Variants in KLF12 observed in about 807,000 individuals in gnomAD.
KLF12 encodes KLF transcription factor 12.
Under a neutral mutation model 37.8 loss-of-function variants are expected in KLF12, and 9 were observed. That is an observed-to-expected ratio of 0.24 (90% CI 0.14 to 0.42). KLF12 has a LOEUF of 0.42. Among genes scored for constraint, KLF12 ranks in the 10% least tolerant of loss-of-function variants. The pLI is 1.00. For synonymous variants in KLF12, 208 were observed against 202.1 expected, an observed-to-expected ratio of 1.03 and a Z score of -0.25; for missense variants, 411 against 516.0, an observed-to-expected ratio of 0.80 and a Z score of 1.97.
At chr13:73,709,060 T>G (rs981771990) in intron 7 of KLF12, among the ~76,000 whole-genome samples, 1 of 152,208 alleles carries the variant, frequency 6.6e-6, no homozygotes, top group African/African-American at 2.4e-5. Flanking sequence ...TCAAAAATAC[T>G]TGGTCACATC....
chr13:74,042,886 T>C (rs1255124457), intron 1 of KLF12, among the ~76,000 whole-genome samples: 1 of 152,190 alleles, frequency 6.6e-6, no homozygotes, highest in Non-Finnish European at 1.5e-5. Context: ...CAAGAAGCCT[T>C]TCTAGTACCT....
intron 1 of KLF12, among the ~76,000 whole-genome samples, chr13:74,053,889 A>G (rs1245528195): frequency 1.3e-5 from 2 of 152,210 alleles, no homozygotes; most frequent in African/African-American, 4.8e-5. Context: ...TGGGACCTAG[A>G]GACACATAGT....
intron 3 of KLF12, among the ~76,000 whole-genome samples, chr13:73,869,444 T>C (rs1886354302): frequency 6.6e-6 from 1 of 152,176 alleles, no homozygotes; most frequent in African/African-American, 2.4e-5. Flanking sequence ...CCTACCTACC[T>C]GAACTATTGC....
At chr13:73,884,926 C>G (rs1169111534) in intron 3 of KLF12, among the ~76,000 whole-genome samples, 2 of 152,126 alleles carry the variant, frequency 1.3e-5, no homozygotes, top group Admixed American at 6.5e-5. Context: ...TTCTTCTGAC[C>G]TCTGGGGCAC....
At chr13:74,064,129 TCTCA>T (rs1873768839) in intron 1 of KLF12, among the ~76,000 whole-genome samples, 1 of 152,168 alleles carries the variant, frequency 6.6e-6, no homozygotes, top group South Asian at 2.1e-4. Flanking sequence ...CCTCAGTTCC[TCTCA>T]CTATCTGTCC....
intron 7 of KLF12, among the ~76,000 whole-genome samples, chr13:73,710,493 C>T (rs1398729948): frequency 7.9e-6 from 1 of 127,046 alleles, no homozygotes; most frequent in Non-Finnish European, 1.7e-5. Context: ...AGCATGTGCT[C>T]ACTTTGCATC....
chr13:74,166,876 A>G, the KLF12 span, among the ~76,000 whole-genome samples: 1 of 152,198 alleles, frequency 6.6e-6, no homozygotes, highest in Non-Finnish European at 1.5e-5. Context: ...TCACTGATTT[A>G]TATCACCCAG....
rs1476670572 is a variant in KLF12 at position 73,686,260 on chromosome 13, A to T, written c.*9230T>A. On this transcript the variant is annotated 3_prime_UTR_variant, in exon 8 of 8. Coordinates refer to ENST00000377669, the MANE Select transcript of KLF12 (RefSeq NM_007249.5). Reference sequence around the variant, plus strand: ...GAATATGTCTGAGACACCATTAAAAACAATAACACTTGTTCATTTAAATCT... The same window carrying T: ...GAATATGTCTGAGACACCATTAAAATCAATAACACTTGTTCATTTAAATCT... The T allele has an allele frequency of 1.3e-5, 2 of 152,668 alleles. No homozygotes were observed. The highest frequency in any genetic ancestry group is 4.8e-5 in the African/African-American group (2 of 41,472). The allele number at this position is 152,668 out of a possible 1,614,324, so 9.5% of individuals were successfully genotyped here.
rs574676041 is a variant in KLF12 at position 73,730,279 on chromosome 13, A to C, written c.870-14754T>G. Among the ~76,000 whole-genome samples the C allele has an allele frequency of 1.4e-4, 21 of 151,294 alleles. No homozygotes were observed. The South Asian group carries it at 4.4e-3, about 32-fold the overall frequency. The stretch of plus-strand genomic sequence containing the variant: ...TCTCAGCTCTCTTCTCTGATTTCTT[A>C]CTCCACCCCCATCTCAACTGTACGC... On this transcript the variant is annotated intron_variant, in intron 6 of 7. Coordinates refer to ENST00000377669, the MANE Select transcript of KLF12 (RefSeq NM_007249.5).
intron 6 of KLF12, among the ~76,000 whole-genome samples, chr13:73,760,389 T>C (rs74378228): frequency 0.017 from 2,550 of 152,228 alleles, 86 homozygotes; most frequent in African/African-American, 0.059. Flanking sequence ...GGCACAATCA[T>C]ACCTCACTGT....
chr13:73,745,418 T>C (rs1371302574), intron 6 of KLF12, among the ~76,000 whole-genome samples: 1 of 152,166 alleles, frequency 6.6e-6, no homozygotes, highest in Non-Finnish European at 1.5e-5. Context: ...TTAGGTCACC[T>C]AGGATGAGGA....
intron 4 of KLF12, among the ~76,000 whole-genome samples, chr13:73,837,975 C>T (rs528359409): frequency 2.0e-5 from 3 of 152,188 alleles, no homozygotes; most frequent in South Asian, 2.1e-4. Context: ...TAGACAGAAG[C>T]GAGTCTGTGA....
intron 1 of KLF12, among the ~76,000 whole-genome samples, chr13:74,034,880 T>C (rs1187878483): frequency 6.6e-6 from 1 of 152,266 alleles, no homozygotes; most frequent in Non-Finnish European, 1.5e-5. Context: ...GCTTAATAGC[T>C]GTCACTATTT....
chr13:73,751,510 G>C (rs1225079653), intron 6 of KLF12, among the ~76,000 whole-genome samples: 1 of 152,170 alleles, frequency 6.6e-6, no homozygotes, highest in African/African-American at 2.4e-5. Flanking sequence ...AGGGCATGTG[G>C]GGTGAGGAAG....
chr13:74,131,118 G>T (rs1878241204), intron 1 of KLF12, among the ~76,000 whole-genome samples: 1 of 152,146 alleles, frequency 6.6e-6, no homozygotes, highest in African/African-American at 2.4e-5. Flanking sequence ...CACTTACGTT[G>T]TCTCTGCAGA....
intron 3 of KLF12, among the ~76,000 whole-genome samples, chr13:73,926,581 G>A (rs1015482785): frequency 1.3e-5 from 2 of 151,372 alleles, no homozygotes; most frequent in African/African-American, 4.9e-5. Context: ...TCTCTGAGGT[G>A]TGTCTGTATC....
rs563996025 is a variant in KLF12, at chr13:73,735,812, C to T, written c.870-20287G>A. ...GAGATTGATACTACTGAGTTACCCA[C>T]GTCACATAAAAACTGAGTCTAAGGG... On this transcript the variant is annotated intron_variant, in intron 6 of 7. Coordinates refer to ENST00000377669, the MANE Select transcript of KLF12 (RefSeq NM_007249.5). 7.2e-5 allele frequency among the ~76,000 whole-genome samples: 11 copies of T among 152,222 alleles called. No individual in the cohort carries two copies. The South Asian group carries it at 1.9e-3, about 26-fold the overall frequency.
intron 1 of KLF12, among the ~76,000 whole-genome samples, chr13:74,069,726 TA>T (rs911467032): frequency 8.6e-5 from 13 of 151,898 alleles, no homozygotes; most frequent in Admixed American, 7.2e-4. Flanking sequence ...AATAGTCCAA[TA>T]AAAAAATAGA....
intron 5 of KLF12, among the ~76,000 whole-genome samples, chr13:73,769,775 G>C (rs974695464): frequency 6.6e-6 from 1 of 152,136 alleles, no homozygotes; most frequent in African/African-American, 2.4e-5. Flanking sequence ...CAGTTGCTCA[G>C]GCCAAAAACC....
Sources: gnomAD v4.1 joint callset for allele counts (sites outside exome capture counted in the v4.1 genomes callset) on GRCh38, gnomAD v4.1.1 for gene constraint, MANE v1.5 for transcripts, NCBI Gene and HGNC (gene_info 2026-07-23, HGNC 2026-07-21) for gene names.